Variants in HEBP1 observed in about 807,000 individuals in gnomAD.
HEBP1 encodes heme binding protein 1.
A neutral mutation model predicts 20.4 loss-of-function variants in HEBP1; 13 were observed. The observed-to-expected ratio is 0.64, with a 90% CI of 0.42 to 1.01. The LOEUF is 1.01. HEBP1 is among the 50% of genes least tolerant of loss of function. The pLI is 0.00. For synonymous variants in HEBP1, 92 were observed against 90.7 expected (o/e 1.01, Z -0.08); for missense variants, 241 against 247.3 (o/e 0.97, Z 0.17).
chr12:12,990,001 T>C (rs1443813744), intron 1 of HEBP1, among the ~76,000 whole-genome samples: 1 of 152,036 alleles, frequency 6.6e-6, no homozygotes, highest in Non-Finnish European at 1.5e-5. Context: ...TATAAAATGG[T>C]GTAGTATTTT....
In HEBP1 at chr12:12,989,885, G is replaced by T. The variant is rs114136696; in HGVS notation, c.79-470C>A. Among the ~76,000 whole-genome samples the T allele has an allele frequency of 2.3e-3, 349 of 152,204 alleles. 2 individuals carry two copies. The highest frequency in any genetic ancestry group is 8.0e-3 in the African/African-American group (333 of 41,500). ...CAAAATTAGGCTCATTCTAGTAGGA[G>T]GACTGCAATTCAAGGAATCAGAGTT... On this transcript the variant is annotated intron_variant, in intron 1 of 3. Coordinates refer to ENST00000014930, the MANE Select transcript of HEBP1 (RefSeq NM_015987.5).
chr12:12,982,135 C>G (rs1341426054), intron 3 of HEBP1, among the ~76,000 whole-genome samples: 1 of 152,190 alleles, frequency 6.6e-6, no homozygotes, highest in Non-Finnish European at 1.5e-5. Context: ...TCAACAGCTT[C>G]TTATTGAACA....
intron 1 of HEBP1, among the ~76,000 whole-genome samples, chr12:12,990,282 C>T (rs533276576): frequency 2.6e-5 from 4 of 152,018 alleles, no homozygotes; most frequent in Non-Finnish European, 4.4e-5. Context: ...GATCCTCCTA[C>T]TTAGGCTTCC....
At position 12,986,003 on chromosome 12, in the gene HEBP1, C is replaced by T. The variant is rs1234574746; in HGVS notation, c.398+1149G>A. 1 of 152,224 alleles carries T rather than the reference C, an allele frequency of 6.6e-6. No individual in the cohort carries two copies. Among genetic ancestry groups the T allele is most frequent in the Non-Finnish European group, 1.5e-5 (1 of 68,036 alleles). 9.4% of individuals were successfully genotyped at this position (152,224 alleles called of 1,614,324 possible). On this transcript the variant is annotated intron_variant, in intron 3 of 3. Transcript: ENST00000014930. This position sits in a 1 kb window ranked among gnomAD's most constrained non-coding sequence, Gnocchi z 4.3. ...GCGCTCACTCTCAGTCCCCATCCTG[C>T]ACTTGGACAGCTGTGAGAGTGAGTG...
chr12:12,988,304 T>C (rs1864177926), intron 2 of HEBP1, among the ~76,000 whole-genome samples: 1 of 152,222 alleles, frequency 6.6e-6, no homozygotes, highest in Non-Finnish European at 1.5e-5. Context: ...ATAATTCTCA[T>C]ACATATTTTC....
At position 12,989,353 on chromosome 12, in the gene HEBP1, T is replaced by A; in HGVS notation, c.141A>T (p.Thr47=). The part of the protein sequence containing the change: ...EGGKFATVEV[T]DKPVDEALRE... ...GTAGAGCCTCATCCACAGGCTTATCTGTCACTTCTACTGTGGCAAATTTGC... is the reference window on the plus strand; with the variant it reads ...GTAGAGCCTCATCCACAGGCTTATCAGTCACTTCTACTGTGGCAAATTTGC... Residue 47 remains threonine (T), a synonymous_variant, in exon 2 of 4, where the codon ACA becomes ACT. Coordinates refer to ENST00000014930, the MANE Select transcript of HEBP1 (RefSeq NM_015987.5). 1 of 1,614,218 alleles carries A rather than the reference T, an allele frequency of 6.2e-7. No individual in the cohort carries two copies. Among genetic ancestry groups the A allele is most frequent in the Non-Finnish European group, 8.5e-7 (1 of 1,180,002 alleles).
intron 3 of HEBP1, among the ~76,000 whole-genome samples, chr12:12,978,212 T>TG (rs1864023222): frequency 7.2e-6 from 1 of 139,174 alleles, no homozygotes; most frequent in African/African-American, 2.7e-5. Flanking sequence ...TTTTTTTTTT[T>TG]TTTTTTTTTT....
Position 13,000,217 on chromosome 12 carries a change from G to A in HEBP1, c.-103C>T. 2 of 397,368 alleles carry A rather than the reference G, an allele frequency of 5.0e-6. No individual in the cohort carries two copies. Among genetic ancestry groups the A allele is most frequent in the Non-Finnish European group, 9.0e-6 (2 of 221,792 alleles). The allele number at this position is 397,368 out of a possible 1,614,324, so 24.6% of individuals were successfully genotyped here. On this transcript the variant is annotated 5_prime_UTR_variant, in exon 1 of 4. Coordinates refer to ENST00000014930, the MANE Select transcript of HEBP1 (RefSeq NM_015987.5). ...CGGCGGCAGGGCGGCAGGGCGGCAG[G>A]GCGGCAGGGCGGCAGGGTGGCAGGG...
intron 1 of HEBP1, among the ~76,000 whole-genome samples, chr12:12,992,157 G>C (rs925452597): frequency 1.3e-5 from 2 of 152,160 alleles, no homozygotes; most frequent in African/African-American, 4.8e-5. Flanking sequence ...GAGGAAGGCA[G>C]GACTGTACGG....
Position 13,000,210 on chromosome 12 carries a change from G to GCGGCAGGGCGGCAGGA in HEBP1, c.-97_-96insTCCTGCCGCCCTGCCG, listed in dbSNP as rs1864338147. 1.3e-5 allele frequency: 5 copies of GCGGCAGGGCGGCAGGA among 390,060 alleles called. No homozygotes were observed. The highest frequency in any genetic ancestry group is 2.3e-5 in the Non-Finnish European group (5 of 216,420). 24.2% of individuals were successfully genotyped at this position (390,060 alleles called of 1,614,324 possible). A position where few individuals can be genotyped will look rare whatever the true frequency, so the allele number is the denominator to read the frequency against. On this transcript the variant is annotated 5_prime_UTR_variant, in exon 1 of 4. Coordinates refer to ENST00000014930, the MANE Select transcript of HEBP1 (RefSeq NM_015987.5). ...CGACCACCGGCGGCAGGGCGGCAGG[G>GCGGCAGGGCGGCAGGA]CGGCAGGGCGGCAGGGCGGCAGGGT...
chr12:12,986,927 C>A lies in HEBP1; in HGVS notation c.398+225G>T. 1 of 512,950 alleles carries A rather than the reference C, an allele frequency of 1.9e-6. No individual in the cohort carries two copies. Among genetic ancestry groups the A allele is most frequent in the Non-Finnish European group, 3.5e-6 (1 of 287,944 alleles). 31.8% of individuals were successfully genotyped at this position (512,950 alleles called of 1,614,324 possible). ...AGCTTAAGCAAAGCTTAAGCTCGTC[C>A]CATCAATTTGGCAACTGGCCAAGGC... On this transcript the variant is annotated intron_variant, in intron 3 of 3. Coordinates refer to ENST00000014930, the MANE Select transcript of HEBP1 (RefSeq NM_015987.5). The surrounding 1 kb of genome is among the most constrained non-coding windows in gnomAD (Gnocchi z 4.3).
intron 2 of HEBP1, among the ~76,000 whole-genome samples, 172 bp downstream of exon 2, chr12:12,989,105 C>T (rs1592404596): frequency 6.6e-6 from 1 of 152,330 alleles, no homozygotes; most frequent in East Asian, 1.9e-4. Flanking sequence ...AGAGTGGTTT[C>T]CCCACATTCC....
In HEBP1 at chr12:12,986,950, G is replaced by A; in HGVS notation, c.398+202C>T. On this transcript the variant is annotated intron_variant, in intron 3 of 3. Coordinates refer to ENST00000014930, the MANE Select transcript of HEBP1 (RefSeq NM_015987.5). This position sits in a 1 kb window ranked among gnomAD's most constrained non-coding sequence, Gnocchi z 4.3. ...TCCCATCAATTTGGCAACTGGCCAA[G>A]GCATTTATTCTGATAAAATGCAAAT... is the stretch of plus-strand genomic sequence containing the variant. 1.8e-6 allele frequency: 1 copy of A among 548,332 alleles called. No homozygotes were observed. The highest frequency in any genetic ancestry group is 1.9e-5 in the African/African-American group (1 of 52,614). The allele number at this position is 548,332 out of a possible 1,614,324, so 34.0% of individuals were successfully genotyped here.
At chr12:12,981,194 G>A (rs1377955676) in intron 3 of HEBP1, among the ~76,000 whole-genome samples, 1 of 152,222 alleles carries the variant, frequency 6.6e-6, no homozygotes, top group Admixed American at 6.5e-5. Context: ...AACAGGGTGG[G>A]TAGGAGGAGG....
chr12:12,975,388 C>A lies in HEBP1; in HGVS notation c.490G>T (p.Asp164Tyr), dbSNP rs375870689. ...TCATAACCCGTGCAGAAGTAGATGT[C>A]CCCCCGGTAGGTGGCTGTGCCCTCC... is the stretch of plus-strand genomic sequence containing the variant. ...ALEGTATYRG[D>Y]IYFCTGYDPP... Residue 164 changes from aspartate to tyrosine, a missense_variant, in exon 4 of 4, where the codon GAC becomes TAC. Asp to Tyr is a radical substitution (Grantham distance 160, BLOSUM62 -3). Coordinates refer to ENST00000014930, the MANE Select transcript of HEBP1 (RefSeq NM_015987.5). 5.0e-6 allele frequency: 8 copies of A among 1,613,386 alleles called. No homozygotes were observed. The highest frequency in any genetic ancestry group is 5.1e-6 in the Non-Finnish European group (6 of 1,179,628).
At chr12:12,980,670 G>C (rs894918654) in intron 3 of HEBP1, 2 of 152,130 alleles carry the variant, frequency 1.3e-5, no homozygotes, top group South Asian at 4.2e-4. Context: ...AGTGGATGTT[G>C]TGTCTGGGGT....
intron 3 of HEBP1, among the ~76,000 whole-genome samples, chr12:12,975,809 A>G (rs1863973823): frequency 1.3e-5 from 2 of 152,210 alleles, no homozygotes. Flanking sequence ...CCAAGGGGAC[A>G]GCAGGTTTGC....
At chr12:12,983,811 C>T (rs1166993433) in intron 3 of HEBP1, 1 of 455,138 alleles carries the variant, frequency 2.2e-6, no homozygotes, top group Admixed American at 2.4e-5. Flanking sequence ...CCCTTCCCAC[C>T]ATAAGAAACC....
At chr12:12,979,656 C>A (rs2136538309) in intron 3 of HEBP1, 1 of 152,284 alleles carries the variant, frequency 6.6e-6, no homozygotes, top group Non-Finnish European at 1.5e-5. Flanking sequence ...GTGCTTTGAG[C>A]CCCTAAAAGA....
Sources: gnomAD v4.1 joint callset for allele counts (sites outside exome capture counted in the v4.1 genomes callset) on GRCh38, gnomAD v4.1.1 for gene constraint, Gnocchi (gnomAD v3.1) non-coding constraint, MANE v1.5 for transcripts, NCBI Gene and HGNC (gene_info 2026-07-23, HGNC 2026-07-21) for gene names.